Variants in ZNF398 observed in about 807,000 individuals in gnomAD.
ZNF398 encodes zinc finger protein 398, also known as zinc finger DNA binding protein ZER6.
In ZNF398, 18 loss-of-function variants were observed where a neutral mutation model predicts 41.9. That is an observed-to-expected ratio of 0.43 (90% confidence interval 0.30 to 0.64). The LOEUF (loss-of-function observed/expected upper bound fraction) is 0.64, where lower values mean the gene tolerates loss of function less well. ZNF398 is among the 30% of genes least tolerant of loss of function. The pLI is 0.14. For missense variants in ZNF398, 669 were observed against 822.8 expected (o/e 0.81, Z 2.29); for synonymous variants, 260 against 308.8 (o/e 0.84, Z 1.66).
rs1303235573 is a variant in ZNF398, at chr7:149,147,755, GC to G, written c.17del (p.Pro6ArgfsTer48). MAEAAPAPTSEWDSE... is the reference protein window; with the variant it reads MAEAXPAPTSEWDSE... ...ACAGCGCAGGGCCATGGCTGAGGCG[GC>G]CCCGGCCCCGGTAAGGGCGGCCGCG... On this transcript the variant is annotated frameshift_variant, in exon 1 of 6. Transcript: ENST00000475153. LOFTEE classifies it high-confidence loss of function. The surrounding 1 kb of genome is among the most constrained non-coding windows in gnomAD (Gnocchi z 5.6). The G allele has an allele frequency of 5.1e-6, 7 of 1,384,440 alleles. No individual in the cohort carries two copies. Among genetic ancestry groups the G allele is most frequent in the Admixed American group, 3.3e-5 (1 of 30,090 alleles). 85.8% of individuals were successfully genotyped at this position (1,384,440 alleles called of 1,614,324 possible). A position where few individuals can be genotyped will look rare whatever the true frequency, so the allele number is the denominator to read the frequency against.
At position 149,181,899 on chromosome 7, in the gene ZNF398, A is replaced by AT. The variant is rs1795600555; in HGVS notation, c.*2100dup. On this transcript the variant is annotated 3_prime_UTR_variant, in exon 6 of 6. Coordinates refer to ENST00000475153, the MANE Select transcript of ZNF398 (RefSeq NM_170686.3). ...AACCCACTAGGAACTTGAATGTGAG[A>AT]TTCAGCTCTAGTTTGCACCTTGATT... The AT allele has an allele frequency of 6.6e-6, 1 of 152,188 alleles. No individual in the cohort carries two copies. The highest frequency in any genetic ancestry group is 1.5e-5 in the Non-Finnish European group (1 of 68,024). 9.4% of individuals were successfully genotyped at this position (152,188 alleles called of 1,614,324 possible).
chr7:149,178,344 T>C (rs1322257136), intron 5 of ZNF398, among the ~76,000 whole-genome samples: 1 of 152,108 alleles, frequency 6.6e-6, no homozygotes, highest in Non-Finnish European at 1.5e-5. Flanking sequence ...TCCCAGCTAC[T>C]CAGGAGGCTA....
chr7:149,130,165 G>A (rs541558110), intron 2 of ZNF398, among the ~76,000 whole-genome samples: 4 of 151,970 alleles, frequency 2.6e-5, no homozygotes, highest in East Asian at 1.9e-4. Flanking sequence ...GCATGATCTC[G>A]GCTCACTGCA....
intron 2 of ZNF398, among the ~76,000 whole-genome samples, chr7:149,156,740 A>G (rs1461275973): frequency 5.3e-5 from 8 of 151,700 alleles, no homozygotes; most frequent in Non-Finnish European, 1.0e-4. Flanking sequence ...GCATACCCGT[A>G]ATCCCAGCTA....
intron 2 of ZNF398, 51 bp from the exon 3 acceptor site, chr7:149,166,107 G>T: frequency 6.5e-7 from 1 of 1,549,164 alleles, no homozygotes; most frequent in South Asian, 1.2e-5. Flanking sequence ...GAGATTTATT[G>T]AATGACTGAA....
chr7:149,158,178 A>AG (rs915970083), intron 2 of ZNF398, among the ~76,000 whole-genome samples: 1 of 152,124 alleles, frequency 6.6e-6, no homozygotes, highest in African/African-American at 2.4e-5. Flanking sequence ...AGGGCCAAGG[A>AG]GAAAAAAAAA....
chr7:149,153,209 G>A (rs530435857), intron 1 of ZNF398, among the ~76,000 whole-genome samples: 18 of 152,232 alleles, frequency 1.2e-4, no homozygotes, highest in African/African-American at 3.9e-4. Flanking sequence ...GGGTCACAAT[G>A]GCACACACCT....
intron 5 of ZNF398, 38 bp from the exon 6 acceptor site, chr7:149,178,610 G>C (rs1795519939): frequency 6.4e-7 from 1 of 1,561,094 alleles, no homozygotes; most frequent in African/African-American, 1.4e-5. Context: ...TAGTGAGACA[G>C]TTATTGATGG....
chr7:149,180,205 A>C lies in ZNF398; in HGVS notation c.*404A>C, dbSNP rs181521951. The C allele has an allele frequency of 6.1e-6, 1 of 163,258 alleles. No individual in the cohort carries two copies. Among genetic ancestry groups the C allele is most frequent in the Non-Finnish European group, 1.3e-5 (1 of 74,954 alleles). 10.1% of individuals were successfully genotyped at this position (163,258 alleles called of 1,614,324 possible). ...GAGCCTCCAAAACTGGAAGCCCATCATAAGGCATGAGAATGTTTAACTATA... is the reference window on the plus strand; with the variant it reads ...GAGCCTCCAAAACTGGAAGCCCATCCTAAGGCATGAGAATGTTTAACTATA... On this transcript the variant is annotated 3_prime_UTR_variant, in exon 6 of 6. Transcript: ENST00000475153.
intron 2 of ZNF398, among the ~76,000 whole-genome samples, chr7:149,156,527 AG>A (rs1794984098): frequency 1.3e-5 from 2 of 148,988 alleles, no homozygotes. Context: ...AAAAAAAAAA[AG>A]AGTTACTGAT....
chr7:149,135,892 G>C (rs1826702063), intron 2 of ZNF398, among the ~76,000 whole-genome samples: 1 of 151,884 alleles, frequency 6.6e-6, no homozygotes, highest in Non-Finnish European at 1.5e-5. Flanking sequence ...GGAGGCGGAC[G>C]TTGCAGTGAG....
chr7:149,178,085 A>T (rs1409220308), intron 5 of ZNF398, among the ~76,000 whole-genome samples: 1 of 152,136 alleles, frequency 6.6e-6, no homozygotes, highest in East Asian at 1.9e-4. Context: ...AGGTCAGGAG[A>T]TCGAGACCAT....
upstream of ZNF398, among the ~76,000 whole-genome samples, chr7:149,142,584 G>A (rs1321059916): frequency 1.6e-4 from 24 of 152,168 alleles, no homozygotes; most frequent in Non-Finnish European, 2.9e-5. Context: ...GGAGAATGGC[G>A]TGAAGCCTGG....
rs1179664998 is a variant in ZNF398, at chr7:149,182,797, G to A, written c.*2996G>A. 1 of 152,186 alleles carries A rather than the reference G, an allele frequency of 6.6e-6. No individual in the cohort carries two copies. Among genetic ancestry groups the A allele is most frequent in the Non-Finnish European group, 1.5e-5 (1 of 68,040 alleles). 9.4% of individuals were successfully genotyped at this position (152,186 alleles called of 1,614,324 possible). A position where few individuals can be genotyped will look rare whatever the true frequency, so the allele number is the denominator to read the frequency against. On this transcript the variant is annotated 3_prime_UTR_variant, in exon 6 of 6. Coordinates refer to ENST00000475153, the MANE Select transcript of ZNF398 (RefSeq NM_170686.3). The stretch of plus-strand genomic sequence containing the variant: ...TGGAAGTTGGTTGATTGTCTAGAAA[G>A]TGCAAGAAGATGGCCCTGCTCCTTT...
At chr7:149,148,149 A>T (rs1261014431) in intron 1 of ZNF398, 2 of 221,832 alleles carry the variant, frequency 9.0e-6, no homozygotes, top group Non-Finnish European at 1.8e-5. Flanking sequence ...GTTCGTCACC[A>T]GCAATCTGAG....
chr7:149,161,538 T>A (rs1224241210), intron 2 of ZNF398, among the ~76,000 whole-genome samples: 2 of 152,080 alleles, frequency 1.3e-5, no homozygotes, highest in Non-Finnish European at 2.9e-5. Flanking sequence ...GCACCCCAGT[T>A]TGGATGACAG....
intron 2 of ZNF398, among the ~76,000 whole-genome samples, chr7:149,164,267 C>T (rs1328649979): frequency 2.0e-5 from 3 of 151,228 alleles, no homozygotes; most frequent in Non-Finnish European, 4.4e-5. Flanking sequence ...ATTAGCCGGG[C>T]GTGGTGGTGG....
intron 4 of ZNF398, among the ~76,000 whole-genome samples, chr7:149,175,928 C>T (rs1253766638): frequency 1.3e-5 from 2 of 152,104 alleles, no homozygotes; most frequent in Non-Finnish European, 2.9e-5. Flanking sequence ...TCAAATGATC[C>T]ACTTGCCTCG....
At position 149,166,248 on chromosome 7, in the gene ZNF398, A is replaced by G; in HGVS notation, c.511A>G (p.Ile171Val). The part of the protein sequence containing the change: ...EEWQKELYKN[I>V]MKGNYESLIS... The stretch of plus-strand genomic sequence containing the variant: ...ATGGCAAAAGGAACTTTACAAGAAT[A>G]TCATGAAGGGCAACTACGAGTCTCT... Residue 171 changes from isoleucine to valine, a missense_variant, in exon 3 of 6, where the codon ATC becomes GTC. Coordinates refer to ENST00000475153, the MANE Select transcript of ZNF398 (RefSeq NM_170686.3). 1 of 1,614,178 alleles carries G rather than the reference A, an allele frequency of 6.2e-7. No homozygotes were observed.
Sources: allele counts gnomAD v4.1 joint callset (sites outside exome capture counted in the v4.1 genomes callset), GRCh38; gene constraint gnomAD v4.1.1; non-coding constraint Gnocchi (gnomAD v3.1); transcripts MANE v1.5; gene names NCBI Gene and HGNC (gene_info 2026-07-23, HGNC 2026-07-21).